Variants in LRGUK observed in about 807,000 individuals in gnomAD.
The protein encoded by LRGUK is leucine rich repeats and guanylate kinase domain containing.
LRGUK carries 65 observed loss-of-function variants against 76.0 expected under a neutral mutation model. That is an observed-to-expected ratio of 0.85 (90% CI 0.70 to 1.05). The LOEUF is 1.05. Among genes scored for constraint, LRGUK ranks in the 50% least tolerant of loss-of-function variants. The pLI is 0.00. For synonymous variants in LRGUK, 268 were observed against 265.6 expected, an observed-to-expected ratio of 1.01 and a Z score of -0.09; for missense variants, 758 against 732.8, an observed-to-expected ratio of 1.03 and a Z score of -0.40.
downstream of LRGUK, among the ~76,000 whole-genome samples, chr7:134,214,376 A>G (rs1801377003): frequency 1.3e-5 from 2 of 152,176 alleles, no homozygotes; most frequent in Non-Finnish European, 2.9e-5. Flanking sequence ...AAGCCTTAAC[A>G]TTTTGTATAT....
chr7:134,165,543 GC>G (rs1798943151), intron 7 of LRGUK, among the ~76,000 whole-genome samples: 1 of 152,156 alleles, frequency 6.6e-6, no homozygotes, highest in South Asian at 2.1e-4. Context: ...GTAAAAAGAT[GC>G]AAAGAAACAG....
At position 134,198,834 on chromosome 7, in the gene LRGUK, T is replaced by A. The variant is rs142937831; in HGVS notation, c.1546-386T>A. ...GAAGAGCCTTTTCTCCCTGGTAAGA[T>A]CTCTATCTCCTGGTGCTCCACAGAA... is the stretch of plus-strand genomic sequence containing the variant. On this transcript the variant is annotated intron_variant, in intron 13 of 15. Coordinates refer to ENST00000645682, the Ensembl canonical transcript of LRGUK. Among the ~76,000 whole-genome samples, 138 of 152,288 alleles carry A rather than the reference T, an allele frequency of 9.1e-4. 7 individuals carry two copies. In the East Asian group the frequency reaches 0.025, roughly 28 times the overall value.
intron 16 of LRGUK, among the ~76,000 whole-genome samples, chr7:134,231,122 A>G (rs977976857): frequency 6.6e-6 from 1 of 152,196 alleles, no homozygotes; most frequent in Non-Finnish European, 1.5e-5. Flanking sequence ...CTGAAGCCCA[A>G]ATCACCCAGA....
chr7:134,260,789 C>T (rs919077571), intron 19 of LRGUK, among the ~76,000 whole-genome samples: 1 of 152,152 alleles, frequency 6.6e-6, no homozygotes, highest in Non-Finnish European at 1.5e-5. Context: ...TTTGAGATCC[C>T]AGCTATGCCT....
chr7:134,272,974 C>T, the LRGUK span, among the ~76,000 whole-genome samples: 1 of 152,098 alleles, frequency 6.6e-6, no homozygotes, highest in Non-Finnish European at 1.5e-5. Flanking sequence ...GGTTTCAAGG[C>T]ATCAGGGGAG....
intron 18 of LRGUK, among the ~76,000 whole-genome samples, chr7:134,254,526 C>A (rs2544178): frequency 0.074 from 11,233 of 151,988 alleles, 1,017 homozygotes; most frequent in African/African-American, 0.21. Context: ...GTCCTCTACA[C>A]AATGGAAGGG....
rs768376014 is a variant in LRGUK at position 134,247,566 on chromosome 7, C to G, written c.1994C>G (p.Ser665Cys). 33 of 1,612,342 alleles carry G rather than the reference C, an allele frequency of 2.0e-5. No homozygotes were observed. The South Asian group carries it at 2.9e-4, about 14-fold the overall frequency. The change falls in exon 17 of 20, where the codon TCT (serine) becomes TGT (cysteine). Residue 665 changes from serine to cysteine, a missense_variant. Physicochemically the swap from Ser to Cys is moderately radical, Grantham distance 112 (BLOSUM62 -1). Coordinates refer to the LRGUK transcript ENST00000285928. The stretch of plus-strand genomic sequence containing the variant: ...ACATTTCTTACCTAGGAAAGAGATT[C>G]TATACACAGACAGCACGAGGCAGCC...
Position 134,221,886 on chromosome 7 carries a change from TG to T in LRGUK, c.1954del (p.Ala652ProfsTer26). 6.3e-7 allele frequency: 1 copy of T among 1,595,704 alleles called. No individual in the cohort carries two copies. The highest frequency in any genetic ancestry group is 1.1e-5 in the South Asian group (1 of 87,664). ...AGACAGAAACTACCTCATTAAATTT[TG>T]GGCCAAACTTTCAGCCAAAAAAACA... On this transcript the variant is annotated frameshift_variant, in exon 16 of 20. Coordinates refer to the LRGUK transcript ENST00000285928. LOFTEE classifies it high-confidence loss of function.
chr7:134,182,522 C>G (rs1316215792), intron 10 of LRGUK, among the ~76,000 whole-genome samples: 2 of 152,188 alleles, frequency 1.3e-5, no homozygotes, highest in African/African-American at 2.4e-5. Context: ...ATATGTGTTT[C>G]CCATAGGCTT....
chr7:134,182,905 G>A (rs1342325532), intron 10 of LRGUK, among the ~76,000 whole-genome samples: 2 of 152,150 alleles, frequency 1.3e-5, no homozygotes, highest in Non-Finnish European at 1.5e-5. Context: ...GGGATTACGG[G>A]TGTGCACCAC....
At chr7:134,272,215 ATAAG>A in the LRGUK span, among the ~76,000 whole-genome samples, 1 of 152,198 alleles carries the variant, frequency 6.6e-6, no homozygotes, top group African/African-American at 2.4e-5. Context: ...TTTACCATGA[ATAAG>A]TATTGATAAG....
chr7:134,141,081 C>T (rs1797746497), intron 3 of LRGUK, among the ~76,000 whole-genome samples: 1 of 152,176 alleles, frequency 6.6e-6, no homozygotes, highest in Non-Finnish European at 1.5e-5. Context: ...CTGCTGACAA[C>T]AGGAGCAGGG....
At chr7:134,171,556 G>A (rs1421653847) in intron 7 of LRGUK, among the ~76,000 whole-genome samples, 1 of 151,936 alleles carries the variant, frequency 6.6e-6, no homozygotes, top group African/African-American at 2.4e-5. Context: ...ATGGCCTTGA[G>A]GGAAATGGTA....
intron 16 of LRGUK, among the ~76,000 whole-genome samples, chr7:134,230,668 C>G (rs1379147905): frequency 1.3e-5 from 2 of 152,180 alleles, no homozygotes; most frequent in African/African-American, 2.4e-5. Context: ...AACCAACAAA[C>G]TTAACTTCTT....
At chr7:134,218,268 T>A (rs906468541) in intron 15 of LRGUK, among the ~76,000 whole-genome samples, 2 of 152,190 alleles carry the variant, frequency 1.3e-5, no homozygotes, top group African/African-American at 4.8e-5. Flanking sequence ...AAAAAATAAG[T>A]GATTCTGAAG....
chr7:134,260,039 A>T (rs561845701), intron 19 of LRGUK, among the ~76,000 whole-genome samples: 11 of 152,322 alleles, frequency 7.2e-5, no homozygotes, highest in Middle Eastern at 6.8e-3. Flanking sequence ...TACAGTAGAA[A>T]GACATTAGAT....
intron 3 of LRGUK, among the ~76,000 whole-genome samples, chr7:134,142,607 G>T (rs2881403): frequency 1.6e-4 from 19 of 115,908 alleles, no homozygotes; most frequent in Non-Finnish European, 2.9e-4. Context: ...TTACAACAAA[G>T]AGAGTTTCCT....
intron 2 of LRGUK, 29 bp from the exon 3 acceptor site, chr7:134,139,407 T>C: frequency 6.9e-7 from 1 of 1,456,022 alleles, no homozygotes; most frequent in Non-Finnish European, 9.6e-7. Flanking sequence ...TAAAGCAACA[T>C]TAAAGTCTTT....
At chr7:134,211,533 A>G (rs1246920273), downstream of LRGUK, among the ~76,000 whole-genome samples, 2 of 152,234 alleles carry the variant, frequency 1.3e-5, no homozygotes, top group Non-Finnish European at 2.9e-5. Flanking sequence ...CATATTTTGC[A>G]TGCATGACTC....
Sources: gnomAD v4.1 joint callset for allele counts (sites outside exome capture counted in the v4.1 genomes callset) on GRCh38, gnomAD v4.1.1 for gene constraint, MANE v1.5 for transcripts, NCBI Gene and HGNC (gene_info 2026-07-23, HGNC 2026-07-21) for gene names.